Variants in CAMTA1 observed in about 807,000 individuals in gnomAD.
The protein encoded by CAMTA1 is calmodulin binding transcription activator 1.
In CAMTA1, 27 loss-of-function variants were observed where a neutral mutation model predicts 170.9. That is an observed-to-expected ratio of 0.16 (90% CI 0.12 to 0.22). The LOEUF (loss-of-function observed/expected upper bound fraction) is 0.22, where lower values mean the gene tolerates loss of function less well. Ranked by LOEUF, CAMTA1 falls within the 10% of genes least tolerant of loss-of-function variation. The pLI, the probability that CAMTA1 is intolerant of heterozygous loss-of-function variation, is 1.00. For missense variants in CAMTA1, 1,619 were observed against 2,217.2 expected, an observed-to-expected ratio of 0.73 and a Z score of 5.42; for synonymous variants, 833 against 891.5, an observed-to-expected ratio of 0.93 and a Z score of 1.17.
At chr1:7,757,547 A>G (rs1423378967) in intron 22 of CAMTA1, among the ~76,000 whole-genome samples, 2 of 151,112 alleles carry the variant, frequency 1.3e-5, no homozygotes, top group Admixed American at 1.3e-4. Flanking sequence ...CAGCCGGATC[A>G]CTTGAGGTCA....
intron 6 of CAMTA1, among the ~76,000 whole-genome samples, chr1:7,539,664 G>A (rs913334020): frequency 2.7e-4 from 41 of 152,206 alleles, no homozygotes; most frequent in African/African-American, 9.4e-4. Context: ...GGATGCTATC[G>A]TTCTCATACA....
intron 6 of CAMTA1, among the ~76,000 whole-genome samples, chr1:7,612,000 G>T (rs762503107): frequency 6.0e-4 from 92 of 152,262 alleles, no homozygotes; most frequent in Non-Finnish European, 8.8e-4. Flanking sequence ...AGGAGCCTGG[G>T]CAAGTGCTTT....
intron 5 of CAMTA1, among the ~76,000 whole-genome samples, chr1:7,288,857 A>G (rs190188233): frequency 5.3e-5 from 8 of 152,346 alleles, no homozygotes; most frequent in Middle Eastern, 3.4e-3. Context: ...GATCAAAGTC[A>G]GGATGAGTCT....
intron 3 of CAMTA1, among the ~76,000 whole-genome samples, chr1:6,927,235 C>G (rs1386920604): frequency 1.3e-5 from 2 of 151,974 alleles, no homozygotes; most frequent in Non-Finnish European, 2.9e-5. Flanking sequence ...TGGGATTTTG[C>G]CATGTTGCTC....
At chr1:7,697,183 A>G (rs984532508) in intron 11 of CAMTA1, among the ~76,000 whole-genome samples, 1 of 152,196 alleles carries the variant, frequency 6.6e-6, no homozygotes, top group Non-Finnish European at 1.5e-5. Flanking sequence ...CCACCCTGAA[A>G]GATCTGGAGC....
rs149753840 is a variant in CAMTA1 at position 7,737,538 on chromosome 1, A to G, written c.3626A>G (p.Lys1209Arg). Residue 1209 changes from lysine to arginine, a missense_variant, in exon 15 of 23, where the codon AAG (lysine) becomes AGG (arginine). This residue lies in a region of CAMTA1 where 370 missense variants were observed against 429.4 expected (regional missense o/e 0.86). Coordinates refer to ENST00000303635, the MANE Select transcript of CAMTA1 (RefSeq NM_015215.4). ...SEAISSPEIP[K>R]GVTVIASTNP... ...GCCATCAGCTCTCCAGAAATACCCA[A>G]GGGAGTCACTGTTATTGCAAGCACC... 1.6e-4 allele frequency: 252 copies of G among 1,613,140 alleles called. No individual in the cohort carries two copies. The highest frequency in any genetic ancestry group is 4.7e-4 in the Admixed American group (28 of 59,938).
intron 3 of CAMTA1, among the ~76,000 whole-genome samples, chr1:7,012,637 C>T (rs965171992): frequency 2.6e-5 from 4 of 152,190 alleles, no homozygotes; most frequent in East Asian, 1.9e-4. Flanking sequence ...CAGCCTGTGA[C>T]GTGGCTGATT....
At chr1:7,019,172 A>C (rs1352355807) in intron 3 of CAMTA1, among the ~76,000 whole-genome samples, 1 of 152,132 alleles carries the variant, frequency 6.6e-6, no homozygotes, top group East Asian at 1.9e-4. Flanking sequence ...TCTTTAACTC[A>C]GTCTCTTAGT....
intron 5 of CAMTA1, among the ~76,000 whole-genome samples, chr1:7,346,744 T>G (rs1336862707): frequency 6.6e-6 from 1 of 152,184 alleles, no homozygotes; most frequent in Non-Finnish European, 1.5e-5. Context: ...CTCAGTGCTC[T>G]CGGCCCTGAA....
intron 4 of CAMTA1, among the ~76,000 whole-genome samples, chr1:7,202,040 A>G (rs1656804936): frequency 6.6e-6 from 1 of 152,068 alleles, no homozygotes; most frequent in Admixed American, 6.5e-5. Flanking sequence ...TCTTTGATCC[A>G]TCTGTTTTGA....
intron 3 of CAMTA1, among the ~76,000 whole-genome samples, chr1:7,018,961 G>A (rs10864265): frequency 0.17 from 25,672 of 152,124 alleles, 2,199 homozygotes; most frequent in African/African-American, 0.19. Flanking sequence ...GAAGAGACCC[G>A]AGGACACCCT....
At chr1:6,820,784 G>A (rs1208400272) in intron 2 of CAMTA1, among the ~76,000 whole-genome samples, 2 of 152,148 alleles carry the variant, frequency 1.3e-5, no homozygotes, top group Admixed American at 6.5e-5. Context: ...AGTCCCACAA[G>A]TGCTTACTCC....
Position 7,635,701 on chromosome 1 carries a change from C to T in CAMTA1, c.511-4699C>T, listed in dbSNP as rs373453347. On this transcript the variant is annotated intron_variant, in intron 6 of 22. Coordinates refer to ENST00000303635, the MANE Select transcript of CAMTA1 (RefSeq NM_015215.4). The surrounding 1 kb of genome is among the most constrained non-coding windows in gnomAD (Gnocchi z 4.4). ...GCCCAACCCGGGCATTCCTGCAGGC[C>T]GCCCTGCTGAGCTGGTCCACCTGAG... is the stretch of plus-strand genomic sequence containing the variant. Among the ~76,000 whole-genome samples, 1 of 152,092 alleles carries T rather than the reference C, an allele frequency of 6.6e-6. No homozygotes were observed. Among genetic ancestry groups the T allele is most frequent in the Non-Finnish European group, 1.5e-5 (1 of 68,016 alleles).
rs145729325 is a variant in CAMTA1, at chr1:6,868,776, T to C, written c.234+43566T>C. The stretch of plus-strand genomic sequence containing the variant: ...TTCCCTAGAAGAATATTCTTTGCTG[T>C]AACACTGATGACTTGATGGACTTGT... On this transcript the variant is annotated intron_variant, in intron 3 of 22. Coordinates refer to ENST00000303635, the MANE Select transcript of CAMTA1 (RefSeq NM_015215.4). Among the ~76,000 whole-genome samples the C allele has an allele frequency of 2.6e-5, 4 of 152,388 alleles. 1 individual carries two copies. The highest frequency in any genetic ancestry group is 9.6e-5 in the African/African-American group (4 of 41,598).
intron 11 of CAMTA1, among the ~76,000 whole-genome samples, chr1:7,707,045 C>T (rs1305355727): frequency 6.6e-6 from 1 of 152,024 alleles, no homozygotes; most frequent in Non-Finnish European, 1.5e-5. Flanking sequence ...CGCCACCATG[C>T]CCAGCTCATT....
chr1:7,214,412 G>T (rs1032248021), intron 4 of CAMTA1, among the ~76,000 whole-genome samples: 1 of 147,544 alleles, frequency 6.8e-6, no homozygotes, highest in African/African-American at 2.7e-5. Flanking sequence ...TGTCACCCAG[G>T]CTGGAGTGCA....
At chr1:7,454,232 C>G (rs936042138) in intron 5 of CAMTA1, among the ~76,000 whole-genome samples, 2 of 152,210 alleles carry the variant, frequency 1.3e-5, no homozygotes, top group African/African-American at 4.8e-5. Flanking sequence ...CCTCACACTT[C>G]CTGGGCGGGA....
intron 5 of CAMTA1, among the ~76,000 whole-genome samples, chr1:7,381,849 A>C (rs2087373552): frequency 6.6e-6 from 1 of 151,024 alleles, no homozygotes; most frequent in African/African-American, 2.4e-5. Flanking sequence ...TCGCCATTCT[A>C]ACTGGTGTGA....
chr1:7,709,117 A>C (rs1399985878), intron 11 of CAMTA1, among the ~76,000 whole-genome samples: 1 of 152,058 alleles, frequency 6.6e-6, no homozygotes, highest in African/African-American at 2.4e-5. Flanking sequence ...TCCATGTTAA[A>C]TTCTGTCTCT....
Sources: allele counts gnomAD v4.1 joint callset (sites outside exome capture counted in the v4.1 genomes callset), GRCh38; gene constraint gnomAD v4.1.1; regional missense constraint gnomAD v4.1.1; non-coding constraint Gnocchi (gnomAD v3.1); transcripts MANE v1.5; gene names NCBI Gene and HGNC (gene_info 2026-07-23, HGNC 2026-07-21).